Variants in IL31RA observed in about 807,000 individuals in gnomAD.
IL31RA encodes interleukin-31 receptor subunit alpha.
IL31RA carries 66 observed loss-of-function variants against 83.7 expected under a neutral mutation model. The observed-to-expected ratio is 0.79, with a 90% confidence interval of 0.65 to 0.97. The LOEUF is 0.97. Ranked by LOEUF, IL31RA falls within the 50% of genes least tolerant of loss-of-function variation. The probability of loss-of-function intolerance (pLI) is 0.00; values close to 1 mark genes in which losing one functional copy is unlikely to be tolerated. For synonymous variants in IL31RA, 325 were observed against 329.0 expected (o/e 0.99, Z 0.13); for missense variants, 798 against 919.4 (o/e 0.87, Z 1.71).
intron 2 of IL31RA, among the ~76,000 whole-genome samples, chr5:55,863,530 C>T (rs760882004): frequency 7.2e-5 from 11 of 152,256 alleles, no homozygotes; most frequent in Non-Finnish European, 1.5e-4. Context: ...CACTTGGACG[C>T]TTCCTCTCAC....
Position 55,859,605 on chromosome 5 carries a change from T to C in IL31RA, c.154+6T>C. On this transcript the variant is annotated splice_donor_region_variant and intron_variant, in intron 2 of 14. Transcript: ENST00000652347. Reference sequence around the variant, plus strand: ...CTGCAAATTCAGCCTGGCAGGTAGGTTGACCTGGGCCCTTTTACAGATCAT... The same window carrying C: ...CTGCAAATTCAGCCTGGCAGGTAGGCTGACCTGGGCCCTTTTACAGATCAT... The C allele has an allele frequency of 6.3e-7, 1 of 1,588,494 alleles. No individual in the cohort carries two copies. Among genetic ancestry groups the C allele is most frequent in the Non-Finnish European group, 8.6e-7 (1 of 1,156,802 alleles).
chr5:55,914,827 A>C lies in IL31RA; in HGVS notation c.1737-20A>C, dbSNP rs1749693174. ...GCTTCTTGGATTCAATTCCCATCTT[A>C]AAATCTTCTCTCTCATTAGCAAATT... On this transcript the variant is annotated intron_variant, in intron 13 of 14. Coordinates refer to ENST00000652347, the MANE Select transcript of IL31RA (RefSeq NM_139017.7). 6.3e-7 allele frequency: 1 copy of C among 1,576,794 alleles called. No homozygotes were observed. Among genetic ancestry groups the C allele is most frequent in the Admixed American group, 1.7e-5 (1 of 59,932 alleles).
In IL31RA at chr5:55,872,332, C is replaced by T. The variant is rs548622487; in HGVS notation, c.335C>T (p.Ser112Leu). The T allele has an allele frequency of 8.1e-6, 13 of 1,613,198 alleles. No homozygotes were observed. Among genetic ancestry groups the T allele is most frequent in the South Asian group, 1.1e-5 (1 of 91,060 alleles). ...TNSSTSENRASCSFFLPRITI... is the reference protein window; with the variant it reads ...TNSSTSENRALCSFFLPRITI... ...AGTTCTACAAGTGAAAATCGTGCTT[C>T]GTGCTCTTTTTTCCTTCCAAGAATA... Residue 112 changes from serine to leucine, a missense_variant, in exon 4 of 15, where the codon TCG (serine) becomes TTG (leucine). Physicochemically the swap from Ser to Leu is moderately radical, Grantham distance 145 (BLOSUM62 -2). Transcript: ENST00000652347.
At chr5:55,900,698 C>G (rs1397905609) in intron 8 of IL31RA, among the ~76,000 whole-genome samples, 3 of 152,312 alleles carry the variant, frequency 2.0e-5, no homozygotes, top group East Asian at 3.9e-4. Context: ...CATATTTATC[C>G]TGTTTTGGAA....
intron 2 of IL31RA, among the ~76,000 whole-genome samples, chr5:55,863,443 TCACA>T (rs1320106610): frequency 6.6e-6 from 1 of 152,232 alleles, no homozygotes; most frequent in East Asian, 1.9e-4. Context: ...TCTGCTATCC[TCACA>T]CACACCATGT....
At chr5:55,908,588 T>G in intron 11 of IL31RA, 177 bp downstream of exon 11, 10 of 1,552,302 alleles carry the variant, frequency 6.4e-6, no homozygotes, top group Non-Finnish European at 8.7e-6. Context: ...TTTGGGGTTT[T>G]GGGGGTTAAA....
At position 55,916,625 on chromosome 5, in the gene IL31RA, G is replaced by A. The variant is rs1300788661; in HGVS notation, c.1819-19G>A. ...TGACTCCTAAATGACCACTTGGGAT[G>A]TCCCTTTTTCTTTTCCAGGATAAGC... is the stretch of plus-strand genomic sequence containing the variant. On this transcript the variant is annotated intron_variant, in intron 14 of 14. Coordinates refer to ENST00000652347, the MANE Select transcript of IL31RA (RefSeq NM_139017.7). 1 of 1,607,658 alleles carries A rather than the reference G, an allele frequency of 6.2e-7. No homozygotes were observed. The highest frequency in any genetic ancestry group is 1.1e-5 in the South Asian group (1 of 90,952).
At chr5:55,869,948 TTTATG>T (rs1419895707) in intron 3 of IL31RA, among the ~76,000 whole-genome samples, 3 of 152,196 alleles carry the variant, frequency 2.0e-5, no homozygotes, top group African/African-American at 7.2e-5. Flanking sequence ...GGAAGTCCAC[TTTATG>T]TTTTCAGTGG....
intron 12 of IL31RA, among the ~76,000 whole-genome samples, chr5:55,912,293 C>G (rs1009102502): frequency 1.3e-5 from 2 of 152,226 alleles, no homozygotes; most frequent in Admixed American, 1.3e-4. Flanking sequence ...CTTCCTATAA[C>G]TTTCAAGGTC....
In IL31RA at chr5:55,851,494, C is replaced by G; in HGVS notation, c.-77C>G. On this transcript the variant is annotated 5_prime_UTR_variant, in exon 1 of 15. Transcript: ENST00000652347. Reference sequence around the variant, plus strand: ...ATAACCAGCATGGCACTAAATAGACCATGAAAAGACATGTGTGTGCAGTAT... The same window carrying G: ...ATAACCAGCATGGCACTAAATAGACGATGAAAAGACATGTGTGTGCAGTAT... The G allele has an allele frequency of 6.2e-7, 1 of 1,613,412 alleles. No homozygotes were observed. The highest frequency in any genetic ancestry group is 8.5e-7 in the Non-Finnish European group (1 of 1,179,672).
At chr5:55,909,884 A>G (rs141152412) in intron 11 of IL31RA, among the ~76,000 whole-genome samples, 296 of 152,168 alleles carry the variant, frequency 1.9e-3, no homozygotes, top group Non-Finnish European at 3.5e-3. Context: ...TTGTATTTTT[A>G]GTAGAGATGG....
In IL31RA at chr5:55,856,501, A is replaced by G. The variant is rs75137460; in HGVS notation, c.64-3008A>G. ...AATCTTTGGGAATTTCTTATGGCCC[A>G]GATTTGGGGAGGCTGATTCACCTCA... On this transcript the variant is annotated intron_variant, in intron 1 of 14. Transcript: ENST00000652347. Among the ~76,000 whole-genome samples, 7 of 152,322 alleles carry G rather than the reference A, an allele frequency of 4.6e-5. No homozygotes were observed. In the East Asian group the frequency reaches 1.3e-3, roughly 29 times the overall value.
chr5:55,879,654 T>G (rs1747080866), intron 4 of IL31RA, among the ~76,000 whole-genome samples: 1 of 151,322 alleles, frequency 6.6e-6, no homozygotes, highest in Non-Finnish European at 1.5e-5. Context: ...ATGGTCTTGA[T>G]CTCCTCACTT....
At chr5:55,864,897 C>T (rs1481356044) in intron 2 of IL31RA, among the ~76,000 whole-genome samples, 1 of 152,020 alleles carries the variant, frequency 6.6e-6, no homozygotes, top group Non-Finnish European at 1.5e-5. Context: ...ACACCGCACA[C>T]TACACACACA....
rs1749859914 is a variant in IL31RA at position 55,917,557 on chromosome 5, T to A, written c.*437T>A. 1.3e-5 allele frequency among the ~76,000 whole-genome samples: 2 copies of A among 152,040 alleles called. No individual in the cohort carries two copies. The highest frequency in any genetic ancestry group is 4.8e-5 in the African/African-American group (2 of 41,398). ...GCCAGAGGACAGTTGTTTTGTTGGC[T>A]CTTGGGTGGTCTGGTGGGAGCCTGG... On this transcript the variant is annotated 3_prime_UTR_variant, in exon 15 of 15. Coordinates refer to ENST00000652347, the MANE Select transcript of IL31RA (RefSeq NM_139017.7).
At chr5:55,859,888 T>C (rs965919048) in intron 2 of IL31RA, among the ~76,000 whole-genome samples, 1 of 152,208 alleles carries the variant, frequency 6.6e-6, no homozygotes, top group Admixed American at 6.5e-5. Context: ...TCTCTCCTTA[T>C]CTGTGGGGGA....
intron 11 of IL31RA, among the ~76,000 whole-genome samples, chr5:55,909,961 C>G (rs930098952): frequency 6.6e-6 from 1 of 152,212 alleles, no homozygotes; most frequent in African/African-American, 2.4e-5. Flanking sequence ...GCCCCAGCTT[C>G]CCAAAGTGCT....
At chr5:55,881,603 T>C (rs1025530400) in intron 4 of IL31RA, among the ~76,000 whole-genome samples, 5 of 151,988 alleles carry the variant, frequency 3.3e-5, no homozygotes, top group African/African-American at 4.8e-5. Context: ...CATGCTCAAC[T>C]GAGGCGTTCT....
At chr5:55,860,131 G>T (rs1410767449) in intron 2 of IL31RA, among the ~76,000 whole-genome samples, 1 of 152,216 alleles carries the variant, frequency 6.6e-6, no homozygotes, top group African/African-American at 2.4e-5. Context: ...CACTTTGGGA[G>T]GCTGAGGCGG....
Sources: allele counts gnomAD v4.1 joint callset (sites outside exome capture counted in the v4.1 genomes callset), GRCh38; gene constraint gnomAD v4.1.1; transcripts MANE v1.5; gene names NCBI Gene and HGNC (gene_info 2026-07-23, HGNC 2026-07-21).